The following PTPN12 variants were observed in gnomAD, a reference collection of about 807,000 sequenced individuals.
The protein encoded by PTPN12 is protein tyrosine phosphatase non-receptor type 12, also known as tyrosine-protein phosphatase non-receptor type 12.
PTPN12 carries 29 observed loss-of-function variants against 97.6 expected under a neutral mutation model. The observed-to-expected ratio is 0.30, with a 90% CI of 0.22 to 0.41. The LOEUF (loss-of-function observed/expected upper bound fraction) is 0.41, where lower values mean the gene tolerates loss of function less well. Among genes scored for constraint, PTPN12 ranks in the 10% least tolerant of loss-of-function variants. The pLI, the probability that PTPN12 is intolerant of heterozygous loss-of-function variation, is 1.00. For missense variants in PTPN12, 819 were observed against 926.0 expected, an observed-to-expected ratio of 0.88 and a Z score of 1.50; for synonymous variants, 327 against 300.4, an observed-to-expected ratio of 1.09 and a Z score of -0.91.
chr7:77,597,787 T>G lies in PTPN12; in HGVS notation c.493-55T>G, dbSNP rs1340028645. On this transcript the variant is annotated intron_variant, in intron 6 of 17. Transcript: ENST00000248594. ...GATACAAGTATTTTATTTGTTTTGA[T>G]GTGTCTTTTTGTTTTAACGTTTTCA... The G allele has an allele frequency of 7.0e-6, 11 of 1,569,502 alleles. No individual in the cohort carries two copies. The African/African-American group carries it at 1.4e-4, about 20-fold the overall frequency.
intron 2 of PTPN12, among the ~76,000 whole-genome samples, chr7:77,576,604 C>G (rs149292568): frequency 0.018 from 2,787 of 151,936 alleles, 34 homozygotes; most frequent in Middle Eastern, 0.071. Context: ...GGCTGAGGCA[C>G]GAGAATCACT....
chr7:77,625,472 G>T (rs112627126), intron 12 of PTPN12, among the ~76,000 whole-genome samples: 2,812 of 33,570 alleles, frequency 0.084, 382 homozygotes, highest in African/African-American at 0.17. Context: ...CAGGCTGCTC[G>T]CTCTCTCTCT....
chr7:77,620,244 A>G (rs1020918820), intron 12 of PTPN12, among the ~76,000 whole-genome samples: 1 of 152,220 alleles, frequency 6.6e-6, no homozygotes, highest in Non-Finnish European at 1.5e-5. Flanking sequence ...AAAGAATAGA[A>G]TATCTGAATT....
At chr7:77,562,504 C>A (rs868701700) in intron 1 of PTPN12, among the ~76,000 whole-genome samples, 1 of 152,158 alleles carries the variant, frequency 6.6e-6, no homozygotes, top group Non-Finnish European at 1.5e-5. Context: ...AATCAGGATG[C>A]ATAACCAGAT....
At chr7:77,595,767 T>A (rs1276809365) in intron 6 of PTPN12, among the ~76,000 whole-genome samples, 1 of 152,220 alleles carries the variant, frequency 6.6e-6, no homozygotes, top group Non-Finnish European at 1.5e-5. Context: ...TAGTATTATT[T>A]TTATTAATAA....
At chr7:77,615,764 T>C (rs927919963) in intron 11 of PTPN12, among the ~76,000 whole-genome samples, 6 of 152,184 alleles carry the variant, frequency 3.9e-5, no homozygotes, top group African/African-American at 1.4e-4. Flanking sequence ...AGTTGGTGAT[T>C]GCTTCAGCAA....
At chr7:77,548,099 C>T (rs1807304275) in intron 1 of PTPN12, among the ~76,000 whole-genome samples, 1 of 152,124 alleles carries the variant, frequency 6.6e-6, no homozygotes, top group Non-Finnish European at 1.5e-5. Flanking sequence ...GGTAATTTTA[C>T]TTTATCTCAG....
At chr7:77,620,043 C>G (rs1788879915) in intron 12 of PTPN12, among the ~76,000 whole-genome samples, 1 of 152,062 alleles carries the variant, frequency 6.6e-6, no homozygotes, top group Non-Finnish European at 1.5e-5. Context: ...CATATAGGAG[C>G]CCTAGAATCC....
intron 1 of PTPN12, among the ~76,000 whole-genome samples, chr7:77,550,392 AAT>A (rs1160265851): frequency 6.6e-6 from 1 of 152,098 alleles, no homozygotes; most frequent in African/African-American, 2.4e-5. Context: ...TAAATTTATA[AAT>A]AGACTAAAAT....
intron 1 of PTPN12, among the ~76,000 whole-genome samples, chr7:77,566,997 TTTC>T (rs913369718): frequency 2.6e-5 from 4 of 152,016 alleles, no homozygotes; most frequent in African/African-American, 9.7e-5. Flanking sequence ...ATGAATAAGG[TTTC>T]TTAGTATATT....
At chr7:77,585,891 A>G (rs1002512367) in intron 5 of PTPN12, among the ~76,000 whole-genome samples, 1 of 152,220 alleles carries the variant, frequency 6.6e-6, no homozygotes, top group Non-Finnish European at 1.5e-5. Context: ...TCATATTTAT[A>G]CTGTATTATA....
At chr7:77,621,314 C>T (rs942300915) in intron 12 of PTPN12, among the ~76,000 whole-genome samples, 5 of 152,010 alleles carry the variant, frequency 3.3e-5, no homozygotes, top group African/African-American at 1.2e-4. Flanking sequence ...TCCTGAAGAA[C>T]CTGCCTGAAG....
chr7:77,557,680 C>T (rs1807785415), intron 1 of PTPN12, among the ~76,000 whole-genome samples: 1 of 151,990 alleles, frequency 6.6e-6, no homozygotes, highest in Non-Finnish European at 1.5e-5. Flanking sequence ...TCATACAAGG[C>T]TTTATAGAAA....
intron 12 of PTPN12, among the ~76,000 whole-genome samples, chr7:77,621,609 C>T (rs938093184): frequency 2.6e-5 from 4 of 151,874 alleles, no homozygotes; most frequent in African/African-American, 9.7e-5. Flanking sequence ...GTGGAGGTTG[C>T]AGTGAGCCAA....
intron 12 of PTPN12, among the ~76,000 whole-genome samples, chr7:77,623,177 C>T (rs1789007267): frequency 6.6e-6 from 1 of 152,102 alleles, no homozygotes; most frequent in Non-Finnish European, 1.5e-5. Context: ...GAACATCCAA[C>T]ATAAGAACCT....
At chr7:77,625,563 C>CTTT (rs761274993) in intron 12 of PTPN12, among the ~76,000 whole-genome samples, 326 of 27,780 alleles carry the variant, frequency 0.012, 100 homozygotes, top group East Asian at 0.048. Flanking sequence ...CGCTCTCTCT[C>CTTT]TCTTTTTTTT....
At chr7:77,562,959 A>C (rs1367075470) in intron 1 of PTPN12, among the ~76,000 whole-genome samples, 2 of 13,934 alleles carry the variant, frequency 1.4e-4, no homozygotes, top group East Asian at 0.014. Flanking sequence ...TAGGCTATGC[A>C]AAAAAAAAAA....
At chr7:77,558,366 C>T (rs1807826801) in intron 1 of PTPN12, among the ~76,000 whole-genome samples, 1 of 152,088 alleles carries the variant, frequency 6.6e-6, no homozygotes, top group Non-Finnish European at 1.5e-5. Flanking sequence ...GATAAATGTA[C>T]ATACTCTTTG....
In PTPN12 at chr7:77,627,108, A is replaced by G; in HGVS notation, c.1429A>G (p.Lys477Glu). The change falls in exon 13 of 18, where the codon AAG (lysine) becomes GAG (glutamate). Residue 477 changes from lysine (K) to glutamate (E), a missense_variant. Physicochemically the swap from Lys to Glu is moderately conservative, Grantham distance 56 (BLOSUM62 1). Coordinates refer to ENST00000248594, the MANE Select transcript of PTPN12 (RefSeq NM_002835.4). ...ASPCIADKISKPQELSSDLNV... is the reference protein window; with the variant it reads ...ASPCIADKISEPQELSSDLNV... ...ACCTTGTATAGCTGATAAAATCTCT[A>G]AGCCACAGGAATTAAGTTCAGATCT... 1 of 1,614,090 alleles carries G rather than the reference A, an allele frequency of 6.2e-7. No individual in the cohort carries two copies. The highest frequency in any genetic ancestry group is 8.5e-7 in the Non-Finnish European group (1 of 1,179,976).
Sources: gnomAD v4.1 joint callset for allele counts (sites outside exome capture counted in the v4.1 genomes callset) on GRCh38, gnomAD v4.1.1 for gene constraint, MANE v1.5 for transcripts, NCBI Gene and HGNC (gene_info 2026-07-23, HGNC 2026-07-21) for gene names.